The following LOXHD1 variants were observed in gnomAD, a reference collection of about 807,000 sequenced individuals.
LOXHD1 encodes lipoxygenase homology PLAT domains 1, also known as lipoxygenase homology domain-containing protein 1.
Under a neutral mutation model 248.2 loss-of-function variants are expected in LOXHD1, and 205 were observed. That is an observed-to-expected ratio of 0.83 (90% CI 0.74 to 0.93). LOXHD1 has a LOEUF of 0.93. Among genes scored for constraint, LOXHD1 ranks in the 40% least tolerant of loss-of-function variants. The pLI, the probability that LOXHD1 is intolerant of heterozygous loss-of-function variation, is 0.00. For missense variants in LOXHD1, 2,930 were observed against 2,971.6 expected, an observed-to-expected ratio of 0.99 and a Z score of 0.33; for synonymous variants, 1,113 against 1,162.8, an observed-to-expected ratio of 0.96 and a Z score of 0.87.
At chr18:46,485,181 C>T (rs1313324936) in intron 38 of LOXHD1, 30 bp from the exon 39 acceptor site, 33 of 1,539,580 alleles carry the variant, frequency 2.1e-5, no homozygotes, top group Non-Finnish European at 2.9e-5. Context: ...GGAGGGTCAG[C>T]ACAGGGGAAG....
At chr18:46,540,653 TC>T (rs2036518485) in intron 25 of LOXHD1, among the ~76,000 whole-genome samples, 1 of 124,964 alleles carries the variant, frequency 8.0e-6, no homozygotes, top group Non-Finnish European at 1.7e-5. Flanking sequence ...AAACTCTTTA[TC>T]TTTTTTTTTT....
At position 46,477,775 on chromosome 18, in the gene LOXHD1, G is replaced by A. The variant is rs1051256203; in HGVS notation, c.6519C>T (p.Asn2173=). 2.6e-5 allele frequency: 41 copies of A among 1,551,762 alleles called. No homozygotes were observed. Among genetic ancestry groups the A allele is most frequent in the Admixed American group, 7.8e-5 (4 of 50,998 alleles). The change falls in exon 41 of 41, where the codon AAC becomes AAT. Residue 2173 remains asparagine (N), a synonymous_variant. Transcript: ENST00000642948. ...TGGCCCCAAAGATGGTCACGAAGAC[G>A]TTGGCATCAGTGCCTGCCCCTGGCT... The part of the protein sequence containing the change: ...GYEPGAGTDA[N]VFVTIFGANG...
Position 46,618,243 on chromosome 18 carries a change from C to G in LOXHD1, c.559G>C (p.Gly187Arg), listed in dbSNP as rs1334913014. The G allele has an allele frequency of 1.3e-6, 2 of 1,551,414 alleles. No homozygotes were observed. The highest frequency in any genetic ancestry group is 4.9e-5 in the East Asian group (2 of 40,926). Residue 187 changes from glycine to arginine, a missense_variant, in exon 5 of 41, where the codon GGG (glycine) becomes CGG (arginine). By Grantham distance (125) the Gly-to-Arg change is moderately radical. Coordinates refer to ENST00000642948, the MANE Select transcript of LOXHD1 (RefSeq NM_001384474.1). ...KVYTGDVIGA[G>R]TDADVFINIF... ...TTGATGAAGACATCAGCATCTGTCC[C>G]TGCACCAATTACATCACCAGTGTAT... is the stretch of plus-strand genomic sequence containing the variant.
chr18:46,538,162 G>T lies in LOXHD1; in HGVS notation c.4089C>A (p.Ile1363=). The T allele has an allele frequency of 6.5e-7, 1 of 1,531,764 alleles. No individual in the cohort carries two copies. Among genetic ancestry groups the T allele is most frequent in the Non-Finnish European group, 8.8e-7 (1 of 1,130,440 alleles). The allele number at this position is 1,531,764 out of a possible 1,614,324, so 94.9% of individuals were successfully genotyped here. A position where few individuals can be genotyped will look rare whatever the true frequency, so the allele number is the denominator to read the frequency against. ...FFERKSASRF[I]VELEDVGEII... ...GCCTGCTGAGCCCAAGTACCTCTACGATGAAGCGGGAGGCAGACTTCCTCT... is the reference window on the plus strand; with the variant it reads ...GCCTGCTGAGCCCAAGTACCTCTACTATGAAGCGGGAGGCAGACTTCCTCT... Residue 1363 remains isoleucine (I), a synonymous_variant, in exon 26 of 41, where the codon ATC becomes ATA. Transcript: ENST00000642948.
chr18:46,656,081 A>G (rs1301988996), intron 1 of LOXHD1, among the ~76,000 whole-genome samples: 1 of 152,194 alleles, frequency 6.6e-6, no homozygotes, highest in African/African-American at 2.4e-5. Context: ...GGGACTGGTG[A>G]GCCACTTTGG....
chr18:46,577,687 AG>A lies in LOXHD1; in HGVS notation c.1970+19del. On this transcript the variant is annotated intron_variant, in intron 14 of 40. Coordinates refer to ENST00000642948, the MANE Select transcript of LOXHD1 (RefSeq NM_001384474.1). Reference sequence around the variant, plus strand: ...CATAACCTAAGCTGGAGAAAACACCAGCAGGCAGGACGCATGTACCTGAGAC... The same window carrying A: ...CATAACCTAAGCTGGAGAAAACACCACAGGCAGGACGCATGTACCTGAGAC... 1 of 1,546,294 alleles carries A rather than the reference AG, an allele frequency of 6.5e-7. No homozygotes were observed. Among genetic ancestry groups the A allele is most frequent in the Middle Eastern group, 1.7e-4 (1 of 5,970 alleles).
At position 46,524,951 on chromosome 18, in the gene LOXHD1, G is replaced by T. The variant is rs373889831; in HGVS notation, c.4531-34C>A. The T allele has an allele frequency of 3.0e-5, 46 of 1,549,272 alleles. No homozygotes were observed. In the African/African-American group the frequency reaches 5.2e-4, roughly 18 times the overall value. On this transcript the variant is annotated intron_variant, in intron 29 of 40. Transcript: ENST00000642948. ...CCCAGATGTGGGGACTCATATGGGG[G>T]TGTGCCACCCACTCAACCCACTCCA... is the stretch of plus-strand genomic sequence containing the variant.
intron 37 of LOXHD1, 109 bp downstream of exon 37, chr18:46,505,729 C>G (rs766919420): frequency 8.5e-7 from 1 of 1,177,494 alleles, no homozygotes; most frequent in Non-Finnish European, 1.2e-6. Flanking sequence ...GTTCAGTTTT[C>G]TGCCACCCTG....
At chr18:46,527,985 C>G (rs1041470712) in intron 29 of LOXHD1, among the ~76,000 whole-genome samples, 5 of 152,150 alleles carry the variant, frequency 3.3e-5, no homozygotes, top group African/African-American at 1.2e-4. Context: ...GGGGCTCCTT[C>G]CACAGTCTCT....
At chr18:46,635,246 G>A (rs1218012711) in intron 4 of LOXHD1, among the ~76,000 whole-genome samples, 1 of 152,094 alleles carries the variant, frequency 6.6e-6, no homozygotes, top group Non-Finnish European at 1.5e-5. Context: ...TTAATTCCAG[G>A]AAGGCTTGAC....
At chr18:46,647,142 T>C (rs567117102) in intron 2 of LOXHD1, among the ~76,000 whole-genome samples, 1 of 152,154 alleles carries the variant, frequency 6.6e-6, no homozygotes, top group South Asian at 2.1e-4. Context: ...TTGGGGAGGG[T>C]TGATTCCCAT....
At chr18:46,479,578 T>C (rs1014679034) in intron 40 of LOXHD1, among the ~76,000 whole-genome samples, 5 of 152,134 alleles carry the variant, frequency 3.3e-5, no homozygotes, top group African/African-American at 4.8e-5. Context: ...GATTTTCCCA[T>C]TGGCGAAGCT....
intron 37 of LOXHD1, among the ~76,000 whole-genome samples, chr18:46,504,096 ATTTG>A (rs1433354123): frequency 1.3e-5 from 2 of 151,944 alleles, no homozygotes; most frequent in Admixed American, 1.3e-4. Flanking sequence ...AAAGGTTTCT[ATTTG>A]TTTGTTTTTG....
intron 34 of LOXHD1, among the ~76,000 whole-genome samples, chr18:46,514,407 GAGA>G (rs1045425014): frequency 6.6e-6 from 1 of 152,188 alleles, no homozygotes; most frequent in Non-Finnish European, 1.5e-5. Context: ...CAAGCTCTCT[GAGA>G]AGGACTCAAC....
chr18:46,540,937 T>G (rs2036534007), intron 25 of LOXHD1, among the ~76,000 whole-genome samples: 1 of 152,220 alleles, frequency 6.6e-6, no homozygotes, highest in African/African-American at 2.4e-5. Flanking sequence ...AGGCAAAAAT[T>G]TGTTCATCAC....
At chr18:46,577,575 C>A in intron 14 of LOXHD1, 132 bp downstream of exon 14, 1 of 1,045,888 alleles carries the variant, frequency 9.6e-7, no homozygotes, top group African/African-American at 1.6e-5. Flanking sequence ...GCGAGGTCAC[C>A]TCTTTCTTGC....
chr18:46,587,628 G>C (rs1391532592), intron 12 of LOXHD1, among the ~76,000 whole-genome samples: 1 of 152,236 alleles, frequency 6.6e-6, no homozygotes, highest in African/African-American at 2.4e-5. Context: ...ACTTTAAAGA[G>C]ATGGGTAAGT....
intron 21 of LOXHD1, among the ~76,000 whole-genome samples, chr18:46,552,254 AAAAAC>A (rs773227330): frequency 6.6e-6 from 1 of 152,214 alleles, no homozygotes; most frequent in African/African-American, 2.4e-5. Context: ...GAGGCAGTAA[AAAAAC>A]AAAACAAAAC....
rs545583934 is a variant in LOXHD1, at chr18:46,609,636, T to C, written c.759+1140A>G. Among the ~76,000 whole-genome samples, 123 of 152,372 alleles carry C rather than the reference T, an allele frequency of 8.1e-4. 3 individuals are homozygous for C. The Middle Eastern group carries it at 0.01, about 13-fold the overall frequency. ...GAGGGAAGTCTATGCAAAAGGCCGG[T>C]TGCCTGTTTTCTAACGGACCTCAGC... On this transcript the variant is annotated intron_variant, in intron 6 of 40. Transcript: ENST00000642948.
Sources: allele counts gnomAD v4.1 joint callset (sites outside exome capture counted in the v4.1 genomes callset), GRCh38; gene constraint gnomAD v4.1.1; transcripts MANE v1.5; gene names NCBI Gene and HGNC (gene_info 2026-07-23, HGNC 2026-07-21).